LIN9: variants seen among roughly 807,000 people sequenced by gnomAD.
LIN9 encodes lin-9 DREAM MuvB core complex component, also known as protein lin-9 homolog.
In LIN9, 18 loss-of-function variants were observed where a neutral mutation model predicts 78.0. That is an observed-to-expected ratio of 0.23 (90% CI 0.16 to 0.34). The LOEUF (loss-of-function observed/expected upper bound fraction) is 0.34, where lower values mean the gene tolerates loss of function less well. Among genes scored for constraint, LIN9 ranks in the 10% least tolerant of loss-of-function variants. The pLI is 1.00. For missense variants in LIN9, 451 were observed against 644.1 expected (o/e 0.70, Z 3.25); for synonymous variants, 192 against 215.2 (o/e 0.89, Z 0.94).
chr1:226,233,500 C>A lies in LIN9; in HGVS notation c.1269G>T (p.Gln423His), dbSNP rs772708990. Reference protein sequence around the residue: ...CYELAPDQGLQPADQPTDMRR... With the variant: ...CYELAPDQGLHPADQPTDMRR... ...TCATATCTGTTGGCTGATCTGCAGG[C>A]TGGAGCCCCTGGTCTGGAGCAAGCT... The change falls in exon 13 of 15, where the codon CAG (glutamine) becomes CAT (histidine). Residue 423 changes from glutamine to histidine, a missense_variant. By Grantham distance (24) the Gln-to-His change is conservative (BLOSUM62 0). Transcript: ENST00000681046. 6.2e-6 allele frequency: 10 copies of A among 1,613,542 alleles called. No individual in the cohort carries two copies. The highest frequency in any genetic ancestry group is 5.0e-5 in the Admixed American group (3 of 59,840).
intron 4 of LIN9, among the ~76,000 whole-genome samples, chr1:226,290,372 G>A (rs189923931): frequency 0.012 from 1,792 of 144,560 alleles, 26 homozygotes; most frequent in Non-Finnish European, 0.013. Context: ...ATGGAGTCTC[G>A]CTCTGTTGCC....
At chr1:226,305,323 A>G (rs931704380) in intron 1 of LIN9, among the ~76,000 whole-genome samples, 5 of 148,612 alleles carry the variant, frequency 3.4e-5, no homozygotes, top group African/African-American at 7.4e-5. Flanking sequence ...AAGAAAAAAA[A>G]AAAAAAAAAA....
chr1:226,275,536 A>C (rs1176421827), intron 7 of LIN9, among the ~76,000 whole-genome samples: 2 of 151,792 alleles, frequency 1.3e-5, no homozygotes. Context: ...TCTACTAAAA[A>C]TACAAAATAT....
intron 14 of LIN9, 116 bp from the exon 15 acceptor site, chr1:226,232,722 A>G: frequency 1.7e-6 from 1 of 594,980 alleles, no homozygotes; most frequent in Non-Finnish European, 2.9e-6. Context: ...TAGGGAAGGA[A>G]TAAATCTCCT....
At chr1:226,272,009 A>C (rs1468600334) in intron 7 of LIN9, among the ~76,000 whole-genome samples, 2 of 124,532 alleles carry the variant, frequency 1.6e-5, no homozygotes, top group Non-Finnish European at 3.5e-5. Context: ...GACAGCATAT[A>C]GATGAGTCTT....
chr1:226,243,083 G>A (rs911289440), intron 11 of LIN9, among the ~76,000 whole-genome samples: 5 of 152,142 alleles, frequency 3.3e-5, no homozygotes, highest in South Asian at 4.1e-4. Flanking sequence ...GACTGCTGGC[G>A]GGGGTTGCAC....
chr1:226,243,754 T>C (rs1337297789), intron 11 of LIN9, among the ~76,000 whole-genome samples: 2 of 150,424 alleles, frequency 1.3e-5, no homozygotes, highest in Non-Finnish European at 3.0e-5. Flanking sequence ...GTATATATTC[T>C]ATAGGTATTT....
At chr1:226,302,496 T>C (rs1465542957) in intron 1 of LIN9, among the ~76,000 whole-genome samples, 2 of 151,150 alleles carry the variant, frequency 1.3e-5, no homozygotes, top group Non-Finnish European at 1.5e-5. Context: ...TGAGCAAAGA[T>C]TGCGCCACTG....
chr1:226,236,221 C>T (rs895446074), intron 12 of LIN9, among the ~76,000 whole-genome samples: 10 of 151,490 alleles, frequency 6.6e-5, no homozygotes, highest in Non-Finnish European at 1.5e-4. Flanking sequence ...GTACACAAAT[C>T]GTAAAGTGTA....
chr1:226,233,552 G>A (rs774646873), intron 12 of LIN9, 29 bp from the exon 13 acceptor site: 48 of 1,535,438 alleles, frequency 3.1e-5, no homozygotes, highest in Non-Finnish European at 3.7e-5. Context: ...AGCATGAGAC[G>A]CATGTTCGAG....
intron 3 of LIN9, among the ~76,000 whole-genome samples, chr1:226,296,422 C>T (rs989620463): frequency 4.6e-5 from 7 of 152,010 alleles, no homozygotes; most frequent in African/African-American, 1.2e-4. Context: ...AATTGTTAAC[C>T]GAATTTTCAC....
chr1:226,300,043 A>T (rs2102670780), intron 2 of LIN9, among the ~76,000 whole-genome samples: 1 of 151,936 alleles, frequency 6.6e-6, no homozygotes, highest in African/African-American at 2.4e-5. Flanking sequence ...GGTTCAAACA[A>T]TTCTCCTGCC....
chr1:226,265,781 C>G lies in LIN9; in HGVS notation c.937-147G>C, dbSNP rs1052961258. The G allele has an allele frequency of 2.0e-6, 1 of 496,850 alleles. No homozygotes were observed. Among genetic ancestry groups the G allele is most frequent in the Non-Finnish European group, 3.6e-6 (1 of 280,366 alleles). 30.8% of individuals were successfully genotyped at this position (496,850 alleles called of 1,614,324 possible). A position where few individuals can be genotyped will look rare whatever the true frequency, so the allele number is the denominator to read the frequency against. The stretch of plus-strand genomic sequence containing the variant: ...GCAATCTCTGACTCCTGGGTTCAAG[C>G]GATTCTCCTGCCTCAGCCTCCCGAG... On this transcript the variant is annotated intron_variant, in intron 9 of 14. Coordinates refer to ENST00000681046, the MANE Select transcript of LIN9 (RefSeq NM_001366245.2). The surrounding 1 kb of genome is among the most constrained non-coding windows in gnomAD (Gnocchi z 4.1).
At chr1:226,258,240 C>G (rs543874478) in intron 10 of LIN9, among the ~76,000 whole-genome samples, 40 of 152,092 alleles carry the variant, frequency 2.6e-4, no homozygotes, top group African/African-American at 8.9e-4. Flanking sequence ...GTGGCTGACA[C>G]TTGTAATTCC....
At chr1:226,243,792 G>C (rs1486151804) in intron 11 of LIN9, among the ~76,000 whole-genome samples, 1 of 146,118 alleles carries the variant, frequency 6.8e-6, no homozygotes, top group Non-Finnish European at 1.5e-5. Flanking sequence ...TACAAAGAAA[G>C]AAAAACACAC....
At chr1:226,279,115 C>T (rs1660871190) in intron 6 of LIN9, among the ~76,000 whole-genome samples, 1 of 150,630 alleles carries the variant, frequency 6.6e-6, no homozygotes, top group Admixed American at 6.6e-5. Flanking sequence ...GAGCCAAGAT[C>T]GTGCCACTGC....
chr1:226,303,973 C>G (rs1662734687), intron 1 of LIN9, among the ~76,000 whole-genome samples: 1 of 152,160 alleles, frequency 6.6e-6, no homozygotes. Context: ...TTGAGACTAG[C>G]TATGTTTGAA....
chr1:226,246,856 G>A (rs1658515052), intron 11 of LIN9, among the ~76,000 whole-genome samples: 1 of 151,154 alleles, frequency 6.6e-6, no homozygotes, highest in African/African-American at 2.4e-5. Flanking sequence ...TTATCTCATT[G>A]GGGTTGATAG....
At chr1:226,293,666 G>A (rs547187730) in intron 4 of LIN9, among the ~76,000 whole-genome samples, 15 of 152,172 alleles carry the variant, frequency 9.9e-5, no homozygotes, top group African/African-American at 3.4e-4. Flanking sequence ...TGCAACCTCT[G>A]CCTCCCAGGT....
Sources: allele counts gnomAD v4.1 joint callset (sites outside exome capture counted in the v4.1 genomes callset), GRCh38; gene constraint gnomAD v4.1.1; non-coding constraint Gnocchi (gnomAD v3.1); transcripts MANE v1.5; gene names NCBI Gene and HGNC (gene_info 2026-07-23, HGNC 2026-07-21).